The following CDYL variants were observed in gnomAD, a reference collection of about 807,000 sequenced individuals.
CDYL encodes chromodomain Y-like protein.
In CDYL, 8 loss-of-function variants were observed where a neutral mutation model predicts 47.3. That is an observed-to-expected ratio of 0.17 (90% CI 0.10 to 0.31). The LOEUF (loss-of-function observed/expected upper bound fraction) is 0.31. Among genes scored for constraint, CDYL ranks in the 10% least tolerant of loss-of-function variants. The pLI, the probability that CDYL is intolerant of heterozygous loss-of-function variation, is 1.00. For missense variants in CDYL, 471 were observed against 701.4 expected (o/e 0.67, Z 3.71); for synonymous variants, 266 against 265.0 (o/e 1.00, Z -0.04).
At chr6:4,718,981 T>C (rs1326954818) in intron 2 of CDYL, among the ~76,000 whole-genome samples, 1 of 151,986 alleles carries the variant, frequency 6.6e-6, no homozygotes, top group South Asian at 2.1e-4. Flanking sequence ...TGGAGTGCAA[T>C]GTAACAATCT....
Position 4,882,837 on chromosome 6 carries a change from C to T in CDYL, c.25-8876C>T, listed in dbSNP as rs566044104. Among the ~76,000 whole-genome samples the T allele has an allele frequency of 6.6e-5, 10 of 152,270 alleles. No homozygotes were observed. In the South Asian group the frequency reaches 2.1e-3, roughly 32 times the overall value. On this transcript the variant is annotated intron_variant, in intron 1 of 6. Transcript: ENST00000397588. ...TCAACTAGTATTCCAGCTCTTACTG[C>T]CCCAGATGAGGTTTCCAATGCTAAT...
chr6:4,835,301 C>G (rs999482152), intron 1 of CDYL, among the ~76,000 whole-genome samples: 1 of 152,210 alleles, frequency 6.6e-6, no homozygotes, highest in African/African-American at 2.4e-5. Flanking sequence ...ACAGGACCCT[C>G]AGCTGCAGGT....
In CDYL at chr6:4,739,032, A is replaced by G. The variant is rs1757751152; in HGVS notation, c.186+4188A>G. Among the ~76,000 whole-genome samples the G allele has an allele frequency of 3.3e-5, 5 of 152,034 alleles. No homozygotes were observed. In the South Asian group the frequency reaches 1.0e-3, roughly 32 times the overall value. On this transcript the variant is annotated intron_variant, in intron 3 of 8. Coordinates refer to the CDYL transcript ENST00000328908. Reference sequence around the variant, plus strand: ...CAAAATTAGCCGGGCGTGGTGGCACATGCCTGTAATCCCAGCTACTTGGGA... The same window carrying G: ...CAAAATTAGCCGGGCGTGGTGGCACGTGCCTGTAATCCCAGCTACTTGGGA...
chr6:4,874,074 C>G (rs1328662169), intron 1 of CDYL, among the ~76,000 whole-genome samples: 1 of 152,190 alleles, frequency 6.6e-6, no homozygotes. Flanking sequence ...ATTCTTCCCA[C>G]TCACACACTC....
chr6:4,785,493 G>A (rs955925350), intron 1 of CDYL, among the ~76,000 whole-genome samples: 1 of 152,098 alleles, frequency 6.6e-6, no homozygotes, highest in Non-Finnish European at 1.5e-5. Context: ...ATGTTCTTTG[G>A]TTAAAATGTA....
chr6:4,910,540 T>A (rs550836673), intron 2 of CDYL, among the ~76,000 whole-genome samples: 3 of 152,234 alleles, frequency 2.0e-5, no homozygotes, highest in Non-Finnish European at 4.4e-5. Flanking sequence ...AGCCAGTGCT[T>A]GCTGGGCTGG....
intron 1 of CDYL, among the ~76,000 whole-genome samples, chr6:4,875,419 CAA>C (rs917594293): frequency 2.0e-5 from 3 of 152,056 alleles, no homozygotes; most frequent in African/African-American, 7.2e-5. Flanking sequence ...AATTGACAAA[CAA>C]TATTTTATTT....
chr6:4,734,139 CCT>C (rs1346032835), intron 2 of CDYL, among the ~76,000 whole-genome samples: 1 of 147,288 alleles, frequency 6.8e-6, no homozygotes, highest in Non-Finnish European at 1.5e-5. Flanking sequence ...CACGCCCAGC[CCT>C]CTCTCTGCTG....
In CDYL at chr6:4,723,359, C is replaced by T. The variant is rs114108335; in HGVS notation, c.103+7478C>T. ...AATCCCCAACAGATACCAAGGATGA[C>T]TGCACTGTGCTGAGCAGGAATCAGT... On this transcript the variant is annotated intron_variant, in intron 2 of 8. Coordinates refer to the CDYL transcript ENST00000328908. 8.9e-3 allele frequency among the ~76,000 whole-genome samples: 1,361 copies of T among 152,186 alleles called. 24 individuals carry two copies. The highest frequency in any genetic ancestry group is 0.032 in the African/African-American group (1,312 of 41,508).
rs572342803 is a variant in CDYL at position 4,724,052 on chromosome 6, C to A, written c.103+8171C>A. On this transcript the variant is annotated intron_variant, in intron 2 of 8. Coordinates refer to the CDYL transcript ENST00000328908. ...TGCATCTGTCCCCTCACTTTTTGTG[C>A]GCGTTTGAGAGAGTCTTGCTCTGAC... 7.2e-5 allele frequency among the ~76,000 whole-genome samples: 11 copies of A among 152,032 alleles called. No individual in the cohort carries two copies. In the South Asian group the frequency reaches 2.3e-3, roughly 32 times the overall value.
chr6:4,797,165 GTA>G (rs1452206874), intron 1 of CDYL, among the ~76,000 whole-genome samples: 3 of 150,164 alleles, frequency 2.0e-5, no homozygotes, highest in Non-Finnish European at 4.5e-5. Context: ...AATGAAATAT[GTA>G]TATTACTTTA....
chr6:4,853,506 CCCT>C (rs983828123), intron 1 of CDYL, among the ~76,000 whole-genome samples: 1 of 152,014 alleles, frequency 6.6e-6, no homozygotes, highest in African/African-American at 2.4e-5. Flanking sequence ...CTTCTCATTC[CCCT>C]CCTCCTCCCT....
intron 5 of CDYL, among the ~76,000 whole-genome samples, chr6:4,951,180 CTT>C (rs1378271315): frequency 6.6e-6 from 1 of 152,098 alleles, no homozygotes; most frequent in Non-Finnish European, 1.5e-5. Context: ...GATTTTGCCT[CTT>C]TTGGAAGTGG....
At chr6:4,710,429 C>A (rs1757131028) in intron 1 of CDYL, among the ~76,000 whole-genome samples, 1 of 133,622 alleles carries the variant, frequency 7.5e-6, no homozygotes. Context: ...CCTTTCCAGA[C>A]CAATTACATG....
At chr6:4,723,776 G>A (rs1372175245) in intron 2 of CDYL, among the ~76,000 whole-genome samples, 3 of 152,288 alleles carry the variant, frequency 2.0e-5, no homozygotes, top group South Asian at 2.1e-4. Context: ...CCTGCTCTTG[G>A]CAACTTAAAA....
chr6:4,741,936 C>G (rs187914848), intron 3 of CDYL, among the ~76,000 whole-genome samples: 2 of 152,216 alleles, frequency 1.3e-5, no homozygotes, highest in East Asian at 1.9e-4. Flanking sequence ...GTGATGTGCT[C>G]GATCATGTCT....
intron 3 of CDYL, among the ~76,000 whole-genome samples, chr6:4,764,423 G>C (rs916827675): frequency 1.3e-5 from 2 of 152,040 alleles, no homozygotes; most frequent in African/African-American, 2.4e-5. Flanking sequence ...CTGAGTAGCT[G>C]GGATTACAGG....
intron 2 of CDYL, among the ~76,000 whole-genome samples, chr6:4,898,991 G>A (rs1260426167): frequency 6.6e-6 from 1 of 152,064 alleles, no homozygotes; most frequent in Non-Finnish European, 1.5e-5. Flanking sequence ...TTACCACTTT[G>A]GATTTCTTCA....
At position 4,892,051 on chromosome 6, in the gene CDYL, G is replaced by A. The variant is rs767064076; in HGVS notation, c.363G>A (p.Lys121=). The part of the protein sequence containing the change: ...QLFAASQKFR[K]NTAPSLSSRK... Reference sequence around the variant, plus strand: ...TTGCTGCCAGCCAGAAGTTCAGGAAGAACACAGCTCCATCTCTCTCCAGCC... The same window carrying A: ...TTGCTGCCAGCCAGAAGTTCAGGAAAAACACAGCTCCATCTCTCTCCAGCC... Residue 121 remains lysine, a synonymous_variant, in exon 2 of 7, where the codon AAG becomes AAA. Coordinates refer to ENST00000397588, the MANE Select transcript of CDYL (RefSeq NM_004824.4). The A allele has an allele frequency of 1.1e-5, 18 of 1,614,222 alleles. No individual in the cohort carries two copies. Among genetic ancestry groups the A allele is most frequent in the Non-Finnish European group, 1.4e-5 (16 of 1,180,044 alleles).
Sources: gnomAD v4.1 joint callset for allele counts (sites outside exome capture counted in the v4.1 genomes callset) on GRCh38, gnomAD v4.1.1 for gene constraint, MANE v1.5 for transcripts, NCBI Gene and HGNC (gene_info 2026-07-23, HGNC 2026-07-21) for gene names.